Variants in CNTN3 observed in about 807,000 individuals in gnomAD.
The protein encoded by CNTN3 is contactin 3.
CNTN3 carries 60 observed loss-of-function variants against 119.1 expected under a neutral mutation model. The ratio of observed to expected loss-of-function variants is 0.50; its 90% confidence interval spans 0.41 to 0.62. The LOEUF (loss-of-function observed/expected upper bound fraction) is 0.62, where lower values mean the gene tolerates loss of function less well. Ranked by LOEUF, CNTN3 falls within the 20% of genes least tolerant of loss-of-function variation. The pLI is 0.00. For missense variants in CNTN3, 1,101 were observed against 1,242.4 expected (o/e 0.89, Z 1.71); for synonymous variants, 450 against 438.7 (o/e 1.03, Z -0.32).
chr3:74,393,847 G>T (rs955904801), intron 5 of CNTN3, among the ~76,000 whole-genome samples: 1 of 152,166 alleles, frequency 6.6e-6, no homozygotes, highest in African/African-American at 2.4e-5. Flanking sequence ...AACACAGAAT[G>T]ACAAGCACAA....
At chr3:74,363,091 T>A (rs1704112574) in intron 10 of CNTN3, among the ~76,000 whole-genome samples, 1 of 152,218 alleles carries the variant, frequency 6.6e-6, no homozygotes, top group African/African-American at 2.4e-5. Context: ...CTATGGCTCA[T>A]CAGCTTAATT....
At chr3:74,506,183 A>G (rs529754410) in intron 2 of CNTN3, among the ~76,000 whole-genome samples, 13 of 152,284 alleles carry the variant, frequency 8.5e-5, no homozygotes, top group African/African-American at 3.1e-4. Context: ...AAGTATCTTG[A>G]TTTTGGCACT....
At chr3:74,600,360 A>G (rs557477817) in intron 1 of CNTN3, among the ~76,000 whole-genome samples, 1 of 152,142 alleles carries the variant, frequency 6.6e-6, no homozygotes, top group South Asian at 2.1e-4. Context: ...GGAAAAAGCA[A>G]TAGTTCCCAT....
intron 13 of CNTN3, among the ~76,000 whole-genome samples, chr3:74,331,230 A>G (rs939910347): frequency 6.6e-6 from 1 of 152,152 alleles, no homozygotes; most frequent in African/African-American, 2.4e-5. Context: ...AAAATCCTTT[A>G]TGCCGTATTT....
Position 74,522,162 on chromosome 3 carries a change from T to C in CNTN3, c.-80-970A>G, listed in dbSNP as rs555666738. ...ACGTCCCAAATAATAAGAACTCAAA[T>C]AATAAAAATATGACAACTTGAAAAA... On this transcript the variant is annotated intron_variant, in intron 1 of 22. Transcript: ENST00000263665. 7.6e-4 allele frequency among the ~76,000 whole-genome samples: 115 copies of C among 151,462 alleles called. 3 individuals carry two copies. In the South Asian group the frequency reaches 0.024, roughly 32 times the overall value.
intron 5 of CNTN3, among the ~76,000 whole-genome samples, chr3:74,399,793 T>C (rs995078848): frequency 6.6e-5 from 10 of 152,126 alleles, no homozygotes; most frequent in African/African-American, 1.7e-4. Flanking sequence ...TAATTTTGTA[T>C]CCTTCAACAA....
chr3:74,298,540 T>C (rs565735134), intron 17 of CNTN3, among the ~76,000 whole-genome samples: 5 of 152,062 alleles, frequency 3.3e-5, no homozygotes, highest in Admixed American at 3.3e-4. Flanking sequence ...ATCTAATTCT[T>C]AATGTTGACT....
intron 4 of CNTN3, among the ~76,000 whole-genome samples, chr3:74,437,448 C>A (rs958570591): frequency 6.6e-6 from 1 of 151,708 alleles, no homozygotes; most frequent in African/African-American, 2.4e-5. Context: ...GGTGACAGCG[C>A]GAGACTCTGT....
chr3:74,503,900 T>C (rs1190270206), intron 2 of CNTN3, among the ~76,000 whole-genome samples: 3 of 152,106 alleles, frequency 2.0e-5, no homozygotes, highest in African/African-American at 4.8e-5. Context: ...CCTAAGGTGT[T>C]ATTTTTCCCC....
At chr3:74,303,260 A>G (rs139056833) in intron 13 of CNTN3, among the ~76,000 whole-genome samples, 2 of 152,170 alleles carry the variant, frequency 1.3e-5, no homozygotes, top group South Asian at 2.1e-4. Flanking sequence ...GCGGATTACC[A>G]TGGTTGAAAC....
chr3:74,297,599 G>A (rs1343619998), intron 18 of CNTN3, among the ~76,000 whole-genome samples: 1 of 152,188 alleles, frequency 6.6e-6, no homozygotes, highest in East Asian at 1.9e-4. Flanking sequence ...CGAACATGGA[G>A]TAGCTACCTG....
intron 8 of CNTN3, among the ~76,000 whole-genome samples, chr3:74,367,463 C>G (rs998197688): frequency 1.3e-5 from 2 of 151,154 alleles, no homozygotes; most frequent in Non-Finnish European, 2.9e-5. Flanking sequence ...CAAAGTGAAG[C>G]ACTTAATTGT....
At chr3:74,461,037 G>A (rs1404606753) in intron 4 of CNTN3, among the ~76,000 whole-genome samples, 1 of 151,484 alleles carries the variant, frequency 6.6e-6, no homozygotes, top group African/African-American at 2.4e-5. Flanking sequence ...CTGATTTCAT[G>A]AGAAATGTTA....
At chr3:74,479,216 T>C (rs905273713) in intron 4 of CNTN3, among the ~76,000 whole-genome samples, 1 of 152,044 alleles carries the variant, frequency 6.6e-6, no homozygotes, top group Non-Finnish European at 1.5e-5. Flanking sequence ...AAAGGACTCA[T>C]GTTTTGAAAC....
intron 1 of CNTN3, among the ~76,000 whole-genome samples, chr3:74,562,612 G>A (rs1704168947): frequency 6.6e-6 from 1 of 152,142 alleles, no homozygotes; most frequent in Non-Finnish European, 1.5e-5. Context: ...GTAGGCCTGT[G>A]AAGGTTTTTA....
At chr3:74,541,580 C>A (rs9816281) in intron 1 of CNTN3, among the ~76,000 whole-genome samples, 14,223 of 151,730 alleles carry the variant, frequency 0.094, 1,495 homozygotes, top group African/African-American at 0.26. Context: ...AAAGGAAAAG[C>A]AAGAAAATAA....
At chr3:74,579,486 A>C (rs373407664) in intron 1 of CNTN3, among the ~76,000 whole-genome samples, 2 of 152,112 alleles carry the variant, frequency 1.3e-5, no homozygotes, top group Non-Finnish European at 2.9e-5. Flanking sequence ...TTTCAAATGC[A>C]TGTAGAACAT....
chr3:74,610,300 G>A (rs1399899462), intron 1 of CNTN3, among the ~76,000 whole-genome samples: 2 of 151,160 alleles, frequency 1.3e-5, no homozygotes, highest in African/African-American at 4.9e-5. Flanking sequence ...TCCAGCCTGG[G>A]TGACAGAGTG....
chr3:74,466,739 T>C (rs990094750), intron 4 of CNTN3, among the ~76,000 whole-genome samples: 1 of 152,104 alleles, frequency 6.6e-6, no homozygotes, highest in Non-Finnish European at 1.5e-5. Context: ...TGAGACTGTA[T>C]TTAACATAAA....
Sources: allele counts gnomAD v4.1 joint callset (sites outside exome capture counted in the v4.1 genomes callset), GRCh38; gene constraint gnomAD v4.1.1; transcripts MANE v1.5; gene names NCBI Gene and HGNC (gene_info 2026-07-23, HGNC 2026-07-21).